HNRNPK: variants seen among roughly 807,000 people sequenced by gnomAD.
HNRNPK encodes the protein dC-stretch binding protein.
A neutral mutation model predicts 67.0 loss-of-function variants in HNRNPK; 7 were observed. That is an observed-to-expected ratio of 0.10 (90% confidence interval 0.06 to 0.20). The LOEUF is 0.20. Among genes scored for constraint, HNRNPK ranks in the 10% least tolerant of loss-of-function variants. The probability of loss-of-function intolerance (pLI) is 1.00; values close to 1 mark genes in which losing one functional copy is unlikely to be tolerated. For missense variants in HNRNPK, 264 were observed against 606.5 expected (o/e 0.44, Z 5.93); for synonymous variants, 213 against 193.7 (o/e 1.10, Z -0.83).
chr9:83,974,016 T>C, intron 7 of HNRNPK, 43 bp from the exon 8 acceptor site: 2 of 1,326,660 alleles, frequency 1.5e-6, no homozygotes, highest in Non-Finnish European at 2.2e-6. Flanking sequence ...GTGTCTAGCG[T>C]GATCAGGCTA....
At chr9:83,975,808 T>C (rs1957041468) in intron 5 of HNRNPK, 2 of 412,496 alleles carry the variant, frequency 4.8e-6, no homozygotes, top group South Asian at 7.2e-5. Context: ...CAAGCTTAAG[T>C]TGTTCTGAAG....
chr9:83,978,181 A>G lies in HNRNPK; in HGVS notation c.58+14T>C. On this transcript the variant is annotated intron_variant, in intron 3 of 16. Coordinates refer to ENST00000376263, the MANE Select transcript of HNRNPK (RefSeq NM_031263.4). ...GGATAAAAAAATACTGTTAAAACTA[A>G]AATTTCTTCTCACCAAATTCACCAT... The G allele has an allele frequency of 1.9e-6, 3 of 1,556,682 alleles. No homozygotes were observed. Among genetic ancestry groups the G allele is most frequent in the Non-Finnish European group, 2.7e-6 (3 of 1,128,892 alleles).
intron 10 of HNRNPK, among the ~76,000 whole-genome samples, chr9:83,972,577 C>CT (rs1956900391): frequency 6.6e-6 from 1 of 152,188 alleles, no homozygotes; most frequent in Non-Finnish European, 1.5e-5. Flanking sequence ...ATAGGAAGCC[C>CT]TGCAGCATAG....
intron 12 of HNRNPK, 55 bp from the exon 13 acceptor site, chr9:83,971,411 G>GT: frequency 1.7e-6 from 2 of 1,197,676 alleles, no homozygotes; most frequent in South Asian, 1.2e-5. Context: ...TTATAGAGCT[G>GT]TTTTTAATAT....
intron 10 of HNRNPK, among the ~76,000 whole-genome samples, chr9:83,972,611 T>C (rs1026110319): frequency 6.6e-6 from 1 of 152,174 alleles, no homozygotes; most frequent in Non-Finnish European, 1.5e-5. Flanking sequence ...AGCAACACTA[T>C]AGGAAATTCA....
chr9:83,972,767 G>A lies in HNRNPK; in HGVS notation c.645+77C>T, dbSNP rs1399492812. 4 of 1,099,462 alleles carry A rather than the reference G, an allele frequency of 3.6e-6. No individual in the cohort carries two copies. In the Admixed American group the frequency reaches 6.9e-5, roughly 19 times the overall value. The allele number at this position is 1,099,462 out of a possible 1,614,324, so 68.1% of individuals were successfully genotyped here. A position where few individuals can be genotyped will look rare whatever the true frequency, so the allele number is the denominator to read the frequency against. On this transcript the variant is annotated intron_variant, in intron 10 of 16. Coordinates refer to ENST00000376263, the MANE Select transcript of HNRNPK (RefSeq NM_031263.4). Reference sequence around the variant, plus strand: ...GCAAATAAAGACTATTAGACTAAATGCTCTGAAGCTACTTTTGCAGAAGGT... The same window carrying A: ...GCAAATAAAGACTATTAGACTAAATACTCTGAAGCTACTTTTGCAGAAGGT...
At chr9:83,975,213 T>C (rs1403432117) in intron 6 of HNRNPK, among the ~76,000 whole-genome samples, 9 of 152,234 alleles carry the variant, frequency 5.9e-5, no homozygotes. Context: ...CAATTTGATT[T>C]ACAATGCGGC....
At chr9:83,971,748 T>A (rs1956853443) in intron 11 of HNRNPK, 22 bp from the exon 12 acceptor site, 1 of 1,611,282 alleles carries the variant, frequency 6.2e-7, no homozygotes, top group South Asian at 1.1e-5. Context: ...GTACTTGTTG[T>A]AATCTAAACG....
chr9:83,978,009 CTTTA>C (rs1379914653), intron 3 of HNRNPK, among the ~76,000 whole-genome samples, 182 bp downstream of exon 3: 1 of 152,120 alleles, frequency 6.6e-6, no homozygotes, highest in Non-Finnish European at 1.5e-5. Context: ...AAGAAAAATT[CTTTA>C]TATGCAAATC....
chr9:83,968,243 T>C lies in HNRNPK; in HGVS notation c.*1164A>G, dbSNP rs1956666747. On this transcript the variant is annotated 3_prime_UTR_variant, in exon 17 of 17. Transcript: ENST00000376263. ...ACTATCAATACAAATGCCAAGATACTACACAAAACATCCACAGGAACTTTT... is the reference window on the plus strand; with the variant it reads ...ACTATCAATACAAATGCCAAGATACCACACAAAACATCCACAGGAACTTTT... 6.6e-6 allele frequency: 1 copy of C among 152,430 alleles called. No homozygotes were observed. Among genetic ancestry groups the C allele is most frequent in the African/African-American group, 2.4e-5 (1 of 41,414 alleles). 9.4% of individuals were successfully genotyped at this position (152,430 alleles called of 1,614,324 possible).
intron 8 of HNRNPK, 81 bp from the exon 9 acceptor site, chr9:83,973,480 A>G: frequency 1.2e-6 from 1 of 826,878 alleles, no homozygotes; most frequent in Non-Finnish European, 2.1e-6. Context: ...GCATAACAAT[A>G]ATATACTGTT....
intron 4 of HNRNPK, 34 bp downstream of exon 4, chr9:83,977,655 A>C: frequency 7.7e-7 from 1 of 1,305,154 alleles, no homozygotes; most frequent in Non-Finnish European, 1.1e-6. Flanking sequence ...CTGAGTATGA[A>C]CCACCTTCAA....
At chr9:83,978,915 T>C (rs901523578) in intron 1 of HNRNPK, among the ~76,000 whole-genome samples, 1 of 152,154 alleles carries the variant, frequency 6.6e-6, no homozygotes, top group East Asian at 1.9e-4. Flanking sequence ...TGCGAACACA[T>C]CCAACAACCA....
chr9:83,977,673 A>G lies in HNRNPK; in HGVS notation c.156+16T>C. ...AGTATGAACCACCTTCAAATTTTCA[A>G]GAATAAAATTTATACCTTGCTCTGA... On this transcript the variant is annotated intron_variant, in intron 4 of 16. Transcript: ENST00000376263. 1 of 1,510,718 alleles carries G rather than the reference A, an allele frequency of 6.6e-7. No individual in the cohort carries two copies. Among genetic ancestry groups the G allele is most frequent in the African/African-American group, 1.4e-5 (1 of 72,398 alleles). The allele number at this position is 1,510,718 out of a possible 1,614,324, so 93.6% of individuals were successfully genotyped here. A position where few individuals can be genotyped will look rare whatever the true frequency, so the allele number is the denominator to read the frequency against.
chr9:83,976,889 C>A, intron 5 of HNRNPK, 106 bp downstream of exon 5: 3 of 637,358 alleles, frequency 4.7e-6, no homozygotes, highest in African/African-American at 1.8e-5. Context: ...TTACAAATGT[C>A]TTTGTAGCTA....
intron 9 of HNRNPK, 87 bp from the exon 10 acceptor site, chr9:83,973,059 A>C (rs1956924082): frequency 1.1e-6 from 1 of 939,412 alleles, no homozygotes; most frequent in African/African-American, 1.7e-5. Context: ...TGAATTCAAC[A>C]ATTAACCCCC....
intron 15 of HNRNPK, 189 bp from the exon 16 acceptor site, chr9:83,970,520 A>AG (rs1956780121): frequency 3.1e-6 from 2 of 645,640 alleles, no homozygotes; most frequent in South Asian, 4.1e-5. Flanking sequence ...TCCCTTAGTT[A>AG]GTTAAGGGCT....
intron 5 of HNRNPK, chr9:83,975,848 T>TGA: frequency 7.3e-6 from 2 of 274,604 alleles, no homozygotes; most frequent in East Asian, 1.2e-4. Flanking sequence ...TCTCTAAATC[T>TGA]GACTGTGGCT....
intron 5 of HNRNPK, 178 bp downstream of exon 5, chr9:83,976,817 A>C: frequency 8.7e-6 from 4 of 457,332 alleles, no homozygotes; most frequent in Non-Finnish European, 3.9e-6. Context: ...ACCCTGCTCA[A>C]TCTGGGCTTT....
Sources: allele counts gnomAD v4.1 joint callset (sites outside exome capture counted in the v4.1 genomes callset), GRCh38; gene constraint gnomAD v4.1.1; transcripts MANE v1.5; gene names NCBI Gene and HGNC (gene_info 2026-07-23, HGNC 2026-07-21).